AGPAT3: variants seen among roughly 807,000 people sequenced by gnomAD.
AGPAT3 encodes the protein 1-acyl-sn-glycerol-3-phosphate acyltransferase gamma.
A neutral mutation model predicts 47.3 loss-of-function variants in AGPAT3; 5 were observed. That is an observed-to-expected ratio of 0.11 (90% CI 0.06 to 0.22). The LOEUF (loss-of-function observed/expected upper bound fraction) is 0.22. Ranked by LOEUF, AGPAT3 falls within the 10% of genes least tolerant of loss-of-function variation. The probability of loss-of-function intolerance (pLI) is 1.00; values close to 1 mark genes in which losing one functional copy is unlikely to be tolerated. For missense variants in AGPAT3, 315 were observed against 493.0 expected (o/e 0.64, Z 3.42); for synonymous variants, 212 against 208.3 (o/e 1.02, Z -0.15).
At position 43,970,385 on chromosome 21, in the gene AGPAT3, C is replaced by T. The variant is rs2089343999; in HGVS notation, c.511-268C>T. Among the ~76,000 whole-genome samples, 1 of 152,220 alleles carries T rather than the reference C, an allele frequency of 6.6e-6. No homozygotes were observed. The highest frequency in any genetic ancestry group is 2.4e-5 in the African/African-American group (1 of 41,456). The stretch of plus-strand genomic sequence containing the variant: ...TTCACACTGCTCAGAGGCTGCTGCC[C>T]CAACACACCTTCATGTTTCACTTCT... On this transcript the variant is annotated intron_variant, in intron 5 of 9. Transcript: ENST00000291572. The surrounding 1 kb of genome is among the most constrained non-coding windows in gnomAD (Gnocchi z 5.8).
chr21:43,960,850 C>G lies in AGPAT3; in HGVS notation c.178+991C>G, dbSNP rs543865772. ...GTGGTGTGTACATGTGTGGAAAAATCCCAGAAGGGGCTGGGCATGGTGGCT... is the reference window on the plus strand; with the variant it reads ...GTGGTGTGTACATGTGTGGAAAAATGCCAGAAGGGGCTGGGCATGGTGGCT... On this transcript the variant is annotated intron_variant, in intron 3 of 9. Coordinates refer to ENST00000291572, the MANE Select transcript of AGPAT3 (RefSeq NM_020132.5). 115 of 864,380 alleles carry G rather than the reference C, an allele frequency of 1.3e-4. 1 individual carries two copies. In the African/African-American group the frequency reaches 1.9e-3, roughly 15 times the overall value. The allele number at this position is 864,380 out of a possible 1,614,324, so 53.5% of individuals were successfully genotyped here.
Position 43,896,968 on chromosome 21 carries a change from T to C in AGPAT3, c.-111-6989T>C, listed in dbSNP as rs566116889. 1.1e-3 allele frequency among the ~76,000 whole-genome samples: 143 copies of C among 127,376 alleles called. No individual in the cohort carries two copies. In the Middle Eastern group the frequency reaches 0.016, roughly 14 times the overall value. The allele number at this position is 127,376 out of a possible 152,430, so 83.6% of individuals were successfully genotyped here. ...GTTTTTTTTTTTTTTTTTTTTTTTT[T>C]CAGTATTTATTGATCATTCTTGGGT... On this transcript the variant is annotated intron_variant, in intron 1 of 9. Coordinates refer to ENST00000291572, the MANE Select transcript of AGPAT3 (RefSeq NM_020132.5).
At chr21:43,924,234 C>A (rs1273293845) in intron 2 of AGPAT3, among the ~76,000 whole-genome samples, 1 of 151,582 alleles carries the variant, frequency 6.6e-6, no homozygotes, top group Admixed American at 6.6e-5. Context: ...ACCGTGTTAG[C>A]CAGGATGATC....
At chr21:43,912,520 C>T (rs1460638488) in intron 2 of AGPAT3, among the ~76,000 whole-genome samples, 4 of 152,230 alleles carry the variant, frequency 2.6e-5, no homozygotes, top group Non-Finnish European at 4.4e-5. Context: ...TCTTTCCAAT[C>T]TTTGTTTCTC....
At chr21:43,931,128 C>T (rs2087227544) in intron 2 of AGPAT3, among the ~76,000 whole-genome samples, 2 of 152,084 alleles carry the variant, frequency 1.3e-5, no homozygotes, top group Admixed American at 6.5e-5. Flanking sequence ...GGGGTCAGGG[C>T]GGACACTGGA....
intron 1 of AGPAT3, among the ~76,000 whole-genome samples, chr21:43,868,835 C>A (rs1019952520): frequency 2.0e-5 from 3 of 152,206 alleles, no homozygotes; most frequent in African/African-American, 7.2e-5. Context: ...ATTGCCCCAT[C>A]ACACAGAAAC....
chr21:43,959,992 G>A, intron 3 of AGPAT3, 133 bp downstream of exon 3: 1 of 988,584 alleles, frequency 1.0e-6, no homozygotes, highest in East Asian at 2.6e-5. Context: ...CATCTGGCTG[G>A]CAGGCTGTCG....
chr21:43,969,729 G>A (rs957937728), intron 5 of AGPAT3, among the ~76,000 whole-genome samples: 18 of 151,724 alleles, frequency 1.2e-4, no homozygotes, highest in African/African-American at 2.2e-4. Flanking sequence ...ACGGAGTCTC[G>A]CTCTGTCGCC....
At chr21:43,866,872 A>G (rs964613379) in intron 1 of AGPAT3, among the ~76,000 whole-genome samples, 5 of 152,222 alleles carry the variant, frequency 3.3e-5, no homozygotes, top group African/African-American at 1.2e-4. Context: ...GCGCTGCAGC[A>G]GCCTGAAGAC....
At chr21:43,974,671 GGT>G (rs1348770061) in intron 7 of AGPAT3, among the ~76,000 whole-genome samples, 1 of 151,558 alleles carries the variant, frequency 6.6e-6, no homozygotes, top group Non-Finnish European at 1.5e-5. Flanking sequence ...ATGTGTGTGT[GGT>G]GTGTGTATAT....
Position 43,963,799 on chromosome 21 carries a change from C to T in AGPAT3, c.178+3940C>T, listed in dbSNP as rs968189655. On this transcript the variant is annotated intron_variant, in intron 3 of 9. Coordinates refer to ENST00000291572, the MANE Select transcript of AGPAT3 (RefSeq NM_020132.5). ...CACGCTGGATGGTCAGCAGTGAGGC[C>T]GACAGCAGATTTCTTACGGCAGGCA... Among the ~76,000 whole-genome samples, 11 of 151,888 alleles carry T rather than the reference C, an allele frequency of 7.2e-5. 1 individual carries two copies. The South Asian group carries it at 1.3e-3, about 17-fold the overall frequency.
At chr21:43,903,809 T>A (rs1446261925) in intron 1 of AGPAT3, 148 bp from the exon 2 acceptor site, 1 of 152,254 alleles carries the variant, frequency 6.6e-6, no homozygotes, top group Admixed American at 6.5e-5. Flanking sequence ...ACGGAGTGTT[T>A]GGTTGATCGG....
chr21:43,953,999 A>G (rs1402374552), intron 2 of AGPAT3, among the ~76,000 whole-genome samples: 3 of 152,220 alleles, frequency 2.0e-5, no homozygotes, highest in East Asian at 1.9e-4. Flanking sequence ...TTCTGTCTCT[A>G]TAAATAAATA....
At chr21:43,921,737 G>T (rs980145942) in intron 2 of AGPAT3, among the ~76,000 whole-genome samples, 2 of 152,168 alleles carry the variant, frequency 1.3e-5, no homozygotes, top group East Asian at 1.9e-4. Flanking sequence ...GCCGGGGTTG[G>T]TGGTGGTTCT....
chr21:43,979,295 A>G (rs774303695), intron 8 of AGPAT3, among the ~76,000 whole-genome samples: 28 of 110,840 alleles, frequency 2.5e-4, no homozygotes, highest in Non-Finnish European at 4.8e-4. Context: ...TGAGACTCCA[A>G]CTCAAAAAAA....
chr21:43,866,980 C>A (rs1387064285), intron 1 of AGPAT3, among the ~76,000 whole-genome samples: 1 of 152,258 alleles, frequency 6.6e-6, no homozygotes, highest in African/African-American at 2.4e-5. Context: ...CCGCCCCAGG[C>A]TGGGGCCCCA....
In AGPAT3 at chr21:43,959,543, T is replaced by C. The variant is rs193246709; in HGVS notation, c.-48-91T>C. Reference sequence around the variant, plus strand: ...AGCATGTGTGTATAAGCGTGAGGCATGTGCGGGGTGTGCAGTGAGCAGTGC... The same window carrying C: ...AGCATGTGTGTATAAGCGTGAGGCACGTGCGGGGTGTGCAGTGAGCAGTGC... On this transcript the variant is annotated intron_variant, in intron 2 of 9. Transcript: ENST00000291572. The C allele has an allele frequency of 6.8e-5, 79 of 1,159,132 alleles. No individual in the cohort carries two copies. In the Admixed American group the frequency reaches 1.4e-3, roughly 21 times the overall value. 71.8% of individuals were successfully genotyped at this position (1,159,132 alleles called of 1,614,324 possible).
At chr21:43,886,472 G>A (rs1196267293) in intron 1 of AGPAT3, among the ~76,000 whole-genome samples, 2 of 151,830 alleles carry the variant, frequency 1.3e-5, no homozygotes, top group African/African-American at 2.4e-5. Flanking sequence ...GGCTGGTCTC[G>A]AACTCCTGAC....
At chr21:43,978,163 A>G (rs2089692077) in intron 8 of AGPAT3, 42 bp downstream of exon 8, 1 of 1,585,140 alleles carries the variant, frequency 6.3e-7, no homozygotes, top group Non-Finnish European at 8.6e-7. Flanking sequence ...GGTCTCCTGA[A>G]GAGGCTGTGG....
Sources: allele counts gnomAD v4.1 joint callset (sites outside exome capture counted in the v4.1 genomes callset), GRCh38; gene constraint gnomAD v4.1.1; non-coding constraint Gnocchi (gnomAD v3.1); transcripts MANE v1.5; gene names NCBI Gene and HGNC (gene_info 2026-07-23, HGNC 2026-07-21).